NAALADL2: variants seen among roughly 807,000 people sequenced by gnomAD.
NAALADL2 encodes N-acetylated alpha-linked acidic dipeptidase like 2, also known as inactive N-acetylated-alpha-linked acidic dipeptidase-like protein 2.
In NAALADL2, 76 loss-of-function variants were observed where a neutral mutation model predicts 87.2. That is an observed-to-expected ratio of 0.87 (90% confidence interval 0.72 to 1.05). The LOEUF (loss-of-function observed/expected upper bound fraction) is 1.05, where lower values mean the gene tolerates loss of function less well. Among genes scored for constraint, NAALADL2 ranks in the 50% least tolerant of loss-of-function variants. The pLI, the probability that NAALADL2 is intolerant of heterozygous loss-of-function variation, is 0.00. For missense variants in NAALADL2, 1,089 were observed against 945.8 expected (o/e 1.15, Z -1.99); for synonymous variants, 354 against 331.0 (o/e 1.07, Z -0.75).
chr3:175,254,084 C>T (rs1407201438), intron 3 of NAALADL2, among the ~76,000 whole-genome samples: 2 of 152,022 alleles, frequency 1.3e-5, no homozygotes, highest in Non-Finnish European at 2.9e-5. Flanking sequence ...ATAATTGACA[C>T]CAATTTTAAA....
At chr3:174,636,456 A>G (rs1329475893) in intron 2 of NAALADL2, among the ~76,000 whole-genome samples, 5 of 152,126 alleles carry the variant, frequency 3.3e-5, no homozygotes, top group African/African-American at 4.8e-5. Context: ...AAACAACAGT[A>G]AAAATATACA....
intron 1 of NAALADL2, among the ~76,000 whole-genome samples, chr3:175,028,466 A>G (rs999527384): frequency 6.6e-6 from 1 of 152,084 alleles, no homozygotes; most frequent in African/African-American, 2.4e-5. Context: ...CTATTTTTAC[A>G]TAATTTTTCT....
chr3:175,187,213 T>C (rs1737474424), intron 2 of NAALADL2, among the ~76,000 whole-genome samples: 1 of 151,646 alleles, frequency 6.6e-6, no homozygotes, highest in Non-Finnish European at 1.5e-5. Flanking sequence ...ATAAACACTT[T>C]ATAAACATCT....
At chr3:175,395,952 A>G (rs908262245) in intron 5 of NAALADL2, among the ~76,000 whole-genome samples, 2 of 152,210 alleles carry the variant, frequency 1.3e-5, no homozygotes, top group African/African-American at 2.4e-5. Context: ...ATTACCAAGC[A>G]TTGGAACAAA....
chr3:175,779,849 G>A (rs771916038), intron 13 of NAALADL2, among the ~76,000 whole-genome samples: 41 of 152,184 alleles, frequency 2.7e-4, no homozygotes, highest in Middle Eastern at 6.8e-3. Context: ...AAATACATTT[G>A]TTTAGTGTGG....
chr3:174,892,635 A>G (rs542664008), intron 1 of NAALADL2, among the ~76,000 whole-genome samples: 3 of 152,238 alleles, frequency 2.0e-5, no homozygotes, highest in African/African-American at 7.2e-5. Flanking sequence ...ATTACAAGAA[A>G]GTTATAGTTC....
intron 12 of NAALADL2, among the ~76,000 whole-genome samples, chr3:175,740,824 T>G (rs568362263): frequency 6.6e-6 from 1 of 152,310 alleles, no homozygotes; most frequent in East Asian, 1.9e-4. Context: ...CTTAATAAAC[T>G]TGCTTTTGAT....
chr3:174,607,105 C>G (rs1056247743), intron 2 of NAALADL2, among the ~76,000 whole-genome samples: 22 of 152,008 alleles, frequency 1.4e-4, no homozygotes, highest in Non-Finnish European at 2.5e-4. Context: ...CCTTTACAGA[C>G]AAGCAAATGC....
At chr3:175,367,838 A>G (rs1765849187) in intron 5 of NAALADL2, among the ~76,000 whole-genome samples, 1 of 152,062 alleles carries the variant, frequency 6.6e-6, no homozygotes, top group Admixed American at 6.5e-5. Context: ...CTAACTGAAT[A>G]CCCTTTATTT....
intron 1 of NAALADL2, among the ~76,000 whole-genome samples, chr3:174,997,032 G>A (rs371677346): frequency 8.0e-4 from 78 of 97,026 alleles, no homozygotes; most frequent in East Asian, 5.0e-3. Flanking sequence ...GTGTGTGTGT[G>A]TGTGTGTATG....
At chr3:175,400,635 A>C (rs900334368) in intron 5 of NAALADL2, among the ~76,000 whole-genome samples, 4 of 152,148 alleles carry the variant, frequency 2.6e-5, no homozygotes, top group Admixed American at 6.6e-5. Context: ...AAAACAATAA[A>C]ACAAACCTAG....
chr3:175,666,225 TA>T (rs752651093), intron 11 of NAALADL2, among the ~76,000 whole-genome samples: 4 of 152,126 alleles, frequency 2.6e-5, no homozygotes, highest in African/African-American at 4.8e-5. Flanking sequence ...AGAACTGAAG[TA>T]AATCTTGGAG....
At chr3:175,083,521 GT>G (rs1718290077) in intron 1 of NAALADL2, among the ~76,000 whole-genome samples, 1 of 151,998 alleles carries the variant, frequency 6.6e-6, no homozygotes, top group Non-Finnish European at 1.5e-5. Flanking sequence ...AAAAAATCTA[GT>G]TTTACCTATG....
intron 3 of NAALADL2, among the ~76,000 whole-genome samples, chr3:174,814,411 T>G (rs1157103541): frequency 2.6e-5 from 4 of 152,162 alleles, no homozygotes; most frequent in African/African-American, 4.8e-5. Flanking sequence ...CTGGCCTGTT[T>G]AGTTAAATAT....
intron 11 of NAALADL2, among the ~76,000 whole-genome samples, chr3:175,694,944 A>G (rs1737544583): frequency 6.6e-6 from 1 of 152,262 alleles, no homozygotes; most frequent in Admixed American, 6.5e-5. Flanking sequence ...ATTCATAAAC[A>G]CAAAATTAGA....
At chr3:175,694,711 A>C (rs1230344715) in intron 11 of NAALADL2, among the ~76,000 whole-genome samples, 1 of 152,182 alleles carries the variant, frequency 6.6e-6, no homozygotes, top group Admixed American at 6.5e-5. Context: ...GTAGAAAAAC[A>C]AAAAGTAAAA....
intron 5 of NAALADL2, among the ~76,000 whole-genome samples, chr3:175,380,693 C>T (rs1348700333): frequency 6.6e-6 from 1 of 152,022 alleles, no homozygotes; most frequent in Non-Finnish European, 1.5e-5. Flanking sequence ...TAGTAATATA[C>T]TGTAGAATTT....
At chr3:175,433,205 CTT>C (rs529818950) in intron 5 of NAALADL2, among the ~76,000 whole-genome samples, 138 of 152,098 alleles carry the variant, frequency 9.1e-4, no homozygotes, top group Non-Finnish European at 1.4e-3. Flanking sequence ...TTCTTGGACT[CTT>C]TTTCTTTTCC....
At chr3:174,866,328 A>C (rs2109573435) in intron 1 of NAALADL2, among the ~76,000 whole-genome samples, 1 of 152,026 alleles carries the variant, frequency 6.6e-6, no homozygotes, top group Non-Finnish European at 1.5e-5. Flanking sequence ...TTTTCCTTTG[A>C]GCTCCTAAAG....
Sources: gnomAD v4.1 joint callset for allele counts (sites outside exome capture counted in the v4.1 genomes callset) on GRCh38, gnomAD v4.1.1 for gene constraint, MANE v1.5 for transcripts, NCBI Gene and HGNC (gene_info 2026-07-23, HGNC 2026-07-21) for gene names.